The following GUCY2F variants were observed in gnomAD, a reference collection of about 807,000 sequenced individuals.
The protein encoded by GUCY2F is guanylate cyclase 2F, retinal.
Under a neutral mutation model 73.1 loss-of-function variants are expected in GUCY2F, and 61 were observed. The ratio of observed to expected loss-of-function variants is 0.83; its 90% CI spans 0.68 to 1.03. The LOEUF (loss-of-function observed/expected upper bound fraction) is 1.03. Among genes scored for constraint, GUCY2F ranks in the 50% least tolerant of loss-of-function variants. The pLI, the probability that GUCY2F is intolerant of heterozygous loss-of-function variation, is 0.00. For synonymous variants in GUCY2F, 331 were observed against 307.8 expected (o/e 1.08, Z -0.79); for missense variants, 912 against 854.3 (o/e 1.07, Z -0.84).
At chrX:109,416,754 T>C (rs760456635) in intron 8 of GUCY2F, among the ~76,000 whole-genome samples, 3 of 110,254 alleles carry the variant, frequency 2.7e-5, no homozygotes, top group Admixed American at 9.6e-5. Context: ...AACTTAAAGA[T>C]CTCAGAAGTT....
At chrX:109,462,142 A>G (rs1335754905) in intron 3 of GUCY2F, among the ~76,000 whole-genome samples, 1 of 112,771 alleles carries the variant, frequency 8.9e-6, no homozygotes, top group Non-Finnish European at 1.9e-5. Flanking sequence ...GCTGTGAGCC[A>G]GGCACTCTGA....
intron 2 of GUCY2F, among the ~76,000 whole-genome samples, chrX:109,466,952 A>G (rs1037295018): frequency 8.9e-6 from 1 of 112,385 alleles, no homozygotes; most frequent in Non-Finnish European, 1.9e-5. Context: ...ATTTAAACAT[A>G]CCACACACAT....
At chrX:109,408,688 T>C (rs1263624586) in intron 9 of GUCY2F, among the ~76,000 whole-genome samples, 1 of 111,956 alleles carries the variant, frequency 8.9e-6, no homozygotes, top group East Asian at 2.8e-4. Context: ...TCAGATCTGA[T>C]GGGTTTGGCA....
At chrX:109,392,127 CTAAGA>C (rs1393693082) in intron 13 of GUCY2F, 24 bp from the exon 14 acceptor site, 12 of 1,125,324 alleles carry the variant, frequency 1.1e-5, no homozygotes, top group South Asian at 2.1e-5. Flanking sequence ...ACAGCTATTC[CTAAGA>C]TGACACTGGT....
In GUCY2F at chrX:109,376,122, A is replaced by G. The variant is rs369756090; in HGVS notation, c.3196T>C (p.Phe1066Leu). 9.1e-6 allele frequency: 11 copies of G among 1,205,523 alleles called. No homozygotes were observed. The highest frequency in any genetic ancestry group is 1.2e-5 in the Non-Finnish European group (11 of 890,802). ...ETFWLIGKKGFMKPLPVPPPV... is the reference protein window; with the variant it reads ...ETFWLIGKKGLMKPLPVPPPV... The stretch of plus-strand genomic sequence containing the variant: ...GGGGGCACAGGAAGGGGCTTCATGA[A>G]GCCTTTTTTCCCAATCAGCCAGAAG... The change falls in exon 18 of 20, where the codon TTC becomes CTC. Residue 1066 changes from phenylalanine (F) to leucine (L), a missense_variant. Coordinates refer to ENST00000218006, the MANE Select transcript of GUCY2F (RefSeq NM_001522.3).
intron 13 of GUCY2F, 122 bp from the exon 14 acceptor site, chrX:109,392,225 G>A: frequency 2.0e-6 from 1 of 491,745 alleles, no homozygotes. Flanking sequence ...GAGGAAGAAA[G>A]TGTTACATGG....
chrX:109,447,660 G>T (rs1269473035), intron 6 of GUCY2F, among the ~76,000 whole-genome samples: 1 of 105,049 alleles, frequency 9.5e-6, no homozygotes, highest in Non-Finnish European at 2.0e-5. Flanking sequence ...AGCATTAGGA[G>T]ATATACCTAA....
chrX:109,466,403 T>C (rs779737182), intron 2 of GUCY2F, among the ~76,000 whole-genome samples: 18 of 111,682 alleles, frequency 1.6e-4, no homozygotes, highest in Non-Finnish European at 2.8e-4. Context: ...CTAACTTCCC[T>C]GTAATTGAAA....
At chrX:109,405,599 C>T (rs912258135) in intron 9 of GUCY2F, among the ~76,000 whole-genome samples, 8 of 111,817 alleles carry the variant, frequency 7.2e-5, no homozygotes, top group Non-Finnish European at 7.5e-5. Flanking sequence ...TGTGACACCC[C>T]TTTGTACTTG....
intron 9 of GUCY2F, 85 bp downstream of exon 9, chrX:109,408,907 C>T: frequency 1.9e-6 from 1 of 527,367 alleles, no homozygotes; most frequent in South Asian, 2.9e-5. Flanking sequence ...ATGATCACAA[C>T]AATCTGAGGA....
At chrX:109,477,714 A>G (rs1211468607) in intron 1 of GUCY2F, among the ~76,000 whole-genome samples, 2 of 112,062 alleles carry the variant, frequency 1.8e-5, no homozygotes, top group Non-Finnish European at 3.8e-5. Flanking sequence ...CAGGGCTGAT[A>G]ATCAGCGCTG....
chrX:109,455,065 G>A (rs776556763), intron 3 of GUCY2F, among the ~76,000 whole-genome samples: 3 of 111,656 alleles, frequency 2.7e-5, no homozygotes, highest in African/African-American at 6.5e-5. Flanking sequence ...TGTAGAGTGG[G>A]AGTTTTCAAC....
intron 6 of GUCY2F, 53 bp from the exon 7 acceptor site, chrX:109,441,535 A>C (rs1931867594): frequency 1.1e-6 from 1 of 935,739 alleles, no homozygotes; most frequent in African/African-American, 2.0e-5. Flanking sequence ...ATGATTTGGC[A>C]CAGAGCTTAT....
intron 7 of GUCY2F, among the ~76,000 whole-genome samples, chrX:109,435,352 A>T (rs1353125898): frequency 6.7e-5 from 7 of 105,211 alleles, no homozygotes; most frequent in African/African-American, 2.5e-4. Flanking sequence ...CATCCCTTGT[A>T]AGTTGGATTC....
At chrX:109,413,639 C>T (rs1254600915) in intron 8 of GUCY2F, among the ~76,000 whole-genome samples, 2 of 111,062 alleles carry the variant, frequency 1.8e-5, no homozygotes, top group African/African-American at 6.6e-5. Context: ...CTCCTAAACT[C>T]AAGTGATCCA....
intron 2 of GUCY2F, 60 bp from the exon 3 acceptor site, chrX:109,465,503 A>G: frequency 1.2e-6 from 1 of 844,977 alleles, no homozygotes; most frequent in South Asian, 2.4e-5. Context: ...ACAGTACCAA[A>G]AACTACAGAG....
intron 8 of GUCY2F, among the ~76,000 whole-genome samples, chrX:109,417,498 T>C (rs1286354113): frequency 9.0e-6 from 1 of 110,728 alleles, no homozygotes; most frequent in Non-Finnish European, 1.9e-5. Flanking sequence ...ATCGCTAAAA[T>C]GCCAATATAG....
chrX:109,384,699 A>G (rs1930393656), intron 16 of GUCY2F, among the ~76,000 whole-genome samples: 2 of 112,111 alleles, frequency 1.8e-5, no homozygotes, highest in Non-Finnish European at 3.8e-5. Context: ...TGATGAAGCC[A>G]GAACTCCTGG....
intron 1 of GUCY2F, among the ~76,000 whole-genome samples, chrX:109,476,552 A>G (rs1196351232): frequency 3.6e-5 from 4 of 111,189 alleles, no homozygotes; most frequent in African/African-American, 9.8e-5. Flanking sequence ...GACAGAGAGG[A>G]TCACCTAAAC....
Sources: gnomAD v4.1 joint callset for allele counts (sites outside exome capture counted in the v4.1 genomes callset) on GRCh38, gnomAD v4.1.1 for gene constraint, MANE v1.5 for transcripts, NCBI Gene and HGNC (gene_info 2026-07-23, HGNC 2026-07-21) for gene names.